The following CDH20 variants were observed in gnomAD, a reference collection of about 807,000 sequenced individuals.
CDH20 encodes cadherin-20.
A neutral mutation model predicts 74.2 loss-of-function variants in CDH20; 29 were observed. The observed-to-expected ratio is 0.39, with a 90% CI of 0.29 to 0.53. CDH20 has a LOEUF of 0.53. CDH20 is among the 20% of genes least tolerant of loss of function. CDH20 has a pLI of 0.69. For synonymous variants in CDH20, 469 were observed against 405.4 expected, an observed-to-expected ratio of 1.16 and a Z score of -1.88; for missense variants, 988 against 1,048.3, an observed-to-expected ratio of 0.94 and a Z score of 0.79.
At chr18:61,470,220 T>A (rs543028838) in intron 1 of CDH20, among the ~76,000 whole-genome samples, 21 of 152,314 alleles carry the variant, frequency 1.4e-4, no homozygotes, top group Admixed American at 1.2e-3. Flanking sequence ...GTTAGCTGTG[T>A]GATTACAGGG....
rs567444528 is a variant in CDH20, at chr18:61,420,454, C to A, written c.-152-69948C>A. Among the ~76,000 whole-genome samples, 6 of 151,852 alleles carry A rather than the reference C, an allele frequency of 4.0e-5. No individual in the cohort carries two copies. The South Asian group carries it at 1.3e-3, about 32-fold the overall frequency. ...TGACCTAACACACTTTGCTTCCCTG[C>A]AAATTGTTCAATATACTTGCTGAAA... On this transcript the variant is annotated intron_variant, in intron 1 of 11. Transcript: ENST00000262717.
rs1264335377 is a variant in CDH20, at chr18:61,554,124, C to T, written c.1901-66C>T. The T allele has an allele frequency of 7.1e-6, 11 of 1,549,612 alleles. No individual in the cohort carries two copies. In the East Asian group the frequency reaches 2.5e-4, roughly 35 times the overall value. ...CCCTATCCGTGGTGAATCAAGACTACTTCTAGTCACCGCACACACAGCCAC... is the reference window on the plus strand; with the variant it reads ...CCCTATCCGTGGTGAATCAAGACTATTTCTAGTCACCGCACACACAGCCAC... On this transcript the variant is annotated intron_variant, in intron 11 of 11. Transcript: ENST00000262717.
intron 1 of CDH20, among the ~76,000 whole-genome samples, chr18:61,409,263 A>C (rs572564612): frequency 5.9e-5 from 9 of 152,324 alleles, no homozygotes; most frequent in African/African-American, 2.2e-4. Context: ...AGGTCCCCAC[A>C]GTGCTTCTGT....
At chr18:61,499,529 TACAC>T in intron 3 of CDH20, 49 bp downstream of exon 3, 11 of 1,046,266 alleles carry the variant, frequency 1.1e-5, no homozygotes, top group Admixed American at 2.1e-5. Context: ...CCTATATATA[TACAC>T]ACACACACAC....
intron 1 of CDH20, among the ~76,000 whole-genome samples, chr18:61,335,412 A>C (rs867700183): frequency 2.0e-5 from 3 of 152,216 alleles, no homozygotes; most frequent in Non-Finnish European, 2.9e-5. Flanking sequence ...GTGGGAGAAC[A>C]GTATGGCAGA....
chr18:61,528,320 C>T, intron 7 of CDH20, 100 bp downstream of exon 7: 1 of 1,274,506 alleles, frequency 7.8e-7, no homozygotes, highest in East Asian at 2.3e-5. Context: ...TCTTCTCTAT[C>T]CCATTTCTGG....
At chr18:61,524,928 A>G (rs1474807026) in intron 6 of CDH20, among the ~76,000 whole-genome samples, 1 of 152,196 alleles carries the variant, frequency 6.6e-6, no homozygotes, top group Non-Finnish European at 1.5e-5. Flanking sequence ...CTAAAAAAAA[A>G]AAACTCCTCA....
intron 1 of CDH20, among the ~76,000 whole-genome samples, chr18:61,422,630 G>A (rs532325400): frequency 1.3e-5 from 2 of 151,916 alleles, no homozygotes; most frequent in East Asian, 1.9e-4. Context: ...ACTCAGCATG[G>A]GAGCCAAGAT....
rs115848153 is a variant in CDH20 at position 61,544,563 on chromosome 18, C to T, written c.1531-464C>T. On this transcript the variant is annotated intron_variant, in intron 9 of 11. Transcript: ENST00000262717. Reference sequence around the variant, plus strand: ...TGGGAAGGTGATCTTCCCCCGGATTCGGGCTTCCCAGTGGCCAGATTCTTC... The same window carrying T: ...TGGGAAGGTGATCTTCCCCCGGATTTGGGCTTCCCAGTGGCCAGATTCTTC... Among the ~76,000 whole-genome samples the T allele has an allele frequency of 1.6e-3, 239 of 152,284 alleles. 1 individual carries two copies. Among genetic ancestry groups the T allele is most frequent in the African/African-American group, 5.5e-3 (229 of 41,570 alleles).
At position 61,465,862 on chromosome 18, in the gene CDH20, G is replaced by A. The variant is rs147701056; in HGVS notation, c.-152-24540G>A. Among the ~76,000 whole-genome samples, 31 of 151,748 alleles carry A rather than the reference G, an allele frequency of 2.0e-4. No homozygotes were observed. In the East Asian group the frequency reaches 4.7e-3, roughly 23 times the overall value. ...AGTCACATAAACAATATAAGGCTCCGACCTGGGCAACCTGGAGGAACCATG... is the reference window on the plus strand; with the variant it reads ...AGTCACATAAACAATATAAGGCTCCAACCTGGGCAACCTGGAGGAACCATG... On this transcript the variant is annotated intron_variant, in intron 1 of 11. Coordinates refer to ENST00000262717, the MANE Select transcript of CDH20 (RefSeq NM_031891.4).
chr18:61,473,675 A>G (rs1483449630), intron 1 of CDH20, among the ~76,000 whole-genome samples: 1 of 152,206 alleles, frequency 6.6e-6, no homozygotes, highest in African/African-American at 2.4e-5. Context: ...GCTTCATTAC[A>G]TGGTATTTAC....
At chr18:61,547,541 T>A (rs1913293802) in intron 10 of CDH20, among the ~76,000 whole-genome samples, 1 of 152,206 alleles carries the variant, frequency 6.6e-6, no homozygotes, top group Admixed American at 6.5e-5. Context: ...CCATACCTTA[T>A]TTGATATTTA....
At chr18:61,514,687 G>A (rs1314624952) in intron 6 of CDH20, among the ~76,000 whole-genome samples, 4 of 150,030 alleles carry the variant, frequency 2.7e-5, no homozygotes, top group African/African-American at 9.8e-5. Flanking sequence ...TGGTGTGGAT[G>A]TCCTTTCTGT....
At chr18:61,527,889 G>T (rs1179133314) in intron 6 of CDH20, 78 bp from the exon 7 acceptor site, 33 of 1,370,166 alleles carry the variant, frequency 2.4e-5, no homozygotes, top group Non-Finnish European at 3.4e-5. Context: ...CATCAATATT[G>T]GGCATCCTTT....
At chr18:61,444,991 A>G (rs1909153352) in intron 1 of CDH20, among the ~76,000 whole-genome samples, 1 of 152,084 alleles carries the variant, frequency 6.6e-6, no homozygotes. Context: ...TCATCATTCA[A>G]AAGTTTCTTC....
intron 6 of CDH20, among the ~76,000 whole-genome samples, chr18:61,526,327 T>C (rs985395193): frequency 1.1e-4 from 17 of 151,926 alleles, no homozygotes; most frequent in African/African-American, 3.4e-4. Context: ...CGATTTTTTT[T>C]AAGTAAGAAA....
intron 1 of CDH20, among the ~76,000 whole-genome samples, chr18:61,374,743 C>A (rs1220684304): frequency 6.6e-6 from 1 of 152,032 alleles, no homozygotes; most frequent in African/African-American, 2.4e-5. Context: ...TTTGTCCTTG[C>A]AGTTTCAGAT....
intron 1 of CDH20, among the ~76,000 whole-genome samples, chr18:61,341,268 G>A (rs891071058): frequency 6.6e-6 from 1 of 152,124 alleles, no homozygotes; most frequent in African/African-American, 2.4e-5. Flanking sequence ...TTCTGGTGAG[G>A]GCCTTCTTCT....
intron 1 of CDH20, among the ~76,000 whole-genome samples, chr18:61,402,388 A>G: frequency 6.6e-6 from 1 of 152,184 alleles, no homozygotes; most frequent in East Asian, 1.9e-4. Context: ...CCCTGCCAGC[A>G]CAAAGGAATA....
Sources: gnomAD v4.1 joint callset for allele counts (sites outside exome capture counted in the v4.1 genomes callset) on GRCh38, gnomAD v4.1.1 for gene constraint, MANE v1.5 for transcripts, NCBI Gene and HGNC (gene_info 2026-07-23, HGNC 2026-07-21) for gene names.